Variants in AK8 observed in about 807,000 individuals in gnomAD.
AK8 encodes ATP-AMP transphosphorylase 8.
Under a neutral mutation model 54.6 loss-of-function variants are expected in AK8, and 44 were observed. The ratio of observed to expected loss-of-function variants is 0.81; its 90% CI spans 0.63 to 1.04. The LOEUF (loss-of-function observed/expected upper bound fraction) is 1.04, where lower values mean the gene tolerates loss of function less well. AK8 is among the 50% of genes least tolerant of loss of function. AK8 has a pLI of 0.00. For missense variants in AK8, 555 were observed against 613.6 expected (o/e 0.90, Z 1.01); for synonymous variants, 239 against 245.6 (o/e 0.97, Z 0.25).
intron 11 of AK8, among the ~76,000 whole-genome samples, chr9:132,755,563 C>G (rs1318746725): frequency 6.6e-6 from 1 of 152,224 alleles, no homozygotes; most frequent in Non-Finnish European, 1.5e-5. Flanking sequence ...ACCGTGTGCA[C>G]ATAGCCCCTC....
At chr9:132,843,356 G>A (rs575111454) in intron 5 of AK8, among the ~76,000 whole-genome samples, 14 of 152,236 alleles carry the variant, frequency 9.2e-5, no homozygotes, top group East Asian at 1.9e-4. Flanking sequence ...ACCTTCTGCC[G>A]TGATGGTAAA....
rs1841948677 is a variant in AK8 at position 132,828,068 on chromosome 9, T to A, written c.501A>T (p.Pro167=). 1 of 1,573,242 alleles carries A rather than the reference T, an allele frequency of 6.4e-7. No homozygotes were observed. Among genetic ancestry groups the A allele is most frequent in the Non-Finnish European group, 8.6e-7 (1 of 1,158,046 alleles). ...AGTTTCTCTCGATCAGGACCGTGTC[T>A]GGAGCACTCAGCACAACTGGGCAGA... ...TPRHVIVLSA[P]DTVLIERNLG... Residue 167 remains proline, a synonymous_variant, in exon 7 of 13, where the codon CCA becomes CCT. Coordinates refer to ENST00000298545, the MANE Select transcript of AK8 (RefSeq NM_152572.3).
chr9:132,812,531 G>A (rs76382211), intron 10 of AK8, among the ~76,000 whole-genome samples: 155 of 58,774 alleles, frequency 2.6e-3, no homozygotes, highest in Non-Finnish European at 3.2e-3. Flanking sequence ...GAGCTACCGT[G>A]CCCACTGGGA....
At chr9:132,766,791 C>A (rs1343051034) in intron 11 of AK8, among the ~76,000 whole-genome samples, 1 of 152,114 alleles carries the variant, frequency 6.6e-6, no homozygotes, top group Non-Finnish European at 1.5e-5. Flanking sequence ...ACACATAGAC[C>A]AGTGGAACAG....
intron 11 of AK8, among the ~76,000 whole-genome samples, chr9:132,787,393 A>G (rs1292967281): frequency 6.6e-6 from 1 of 152,160 alleles, no homozygotes; most frequent in Non-Finnish European, 1.5e-5. Flanking sequence ...AGAAAGAAAA[A>G]AGTCACGTAT....
At chr9:132,793,113 T>C (rs1840018014) in intron 10 of AK8, among the ~76,000 whole-genome samples, 1 of 152,144 alleles carries the variant, frequency 6.6e-6, no homozygotes, top group African/African-American at 2.4e-5. Context: ...TCCCGTAAAC[T>C]GGGTGTCTGG....
At position 132,781,622 on chromosome 9, in the gene AK8, C is replaced by G. The variant is rs1315943413; in HGVS notation, c.1121+11012G>C. Among the ~76,000 whole-genome samples the G allele has an allele frequency of 6.6e-6, 1 of 151,934 alleles. No homozygotes were observed. Among genetic ancestry groups the G allele is most frequent in the African/African-American group, 2.4e-5 (1 of 41,350 alleles). ...CATTGAACCTTCCTTAAAAAAAGAG[C>G]CTTTGTAGATTTTCATATCTGAATT... is the stretch of plus-strand genomic sequence containing the variant. On this transcript the variant is annotated intron_variant, in intron 11 of 12. Coordinates refer to ENST00000298545, the MANE Select transcript of AK8 (RefSeq NM_152572.3). The surrounding 1 kb of genome is among the most constrained non-coding windows in gnomAD (Gnocchi z 4.6).
intron 4 of AK8, 85 bp downstream of exon 4, chr9:132,863,580 A>G (rs1197240528): frequency 9.8e-6 from 9 of 918,370 alleles, no homozygotes; most frequent in Non-Finnish European, 1.5e-5. Flanking sequence ...AAATGGGAAC[A>G]AACCAAGCAA....
intron 9 of AK8, among the ~76,000 whole-genome samples, chr9:132,820,074 G>A (rs1473666499): frequency 6.8e-6 from 1 of 146,946 alleles, no homozygotes; most frequent in Non-Finnish European, 1.5e-5. Context: ...AGGATCACTT[G>A]AGGAGTTGGA....
At chr9:132,751,973 G>T (rs1837948011) in intron 11 of AK8, among the ~76,000 whole-genome samples, 1 of 151,400 alleles carries the variant, frequency 6.6e-6, no homozygotes, top group Non-Finnish European at 1.5e-5. Flanking sequence ...TGAGTAGCTG[G>T]GACTATAGGC....
At chr9:132,862,958 C>T (rs1843447964) in intron 4 of AK8, among the ~76,000 whole-genome samples, 1 of 152,198 alleles carries the variant, frequency 6.6e-6, no homozygotes, top group Non-Finnish European at 1.5e-5. Flanking sequence ...CAGGCACGTG[C>T]CACCATGCCC....
chr9:132,841,971 A>G (rs563302256), intron 5 of AK8, among the ~76,000 whole-genome samples: 112 of 152,270 alleles, frequency 7.4e-4, no homozygotes, highest in African/African-American at 2.5e-3. Flanking sequence ...CTTAGGGTGC[A>G]GTGCTTGAAC....
intron 11 of AK8, among the ~76,000 whole-genome samples, chr9:132,784,186 CAG>C (rs1389504758): frequency 6.6e-6 from 1 of 152,088 alleles, no homozygotes; most frequent in Non-Finnish European, 1.5e-5. Context: ...CAGACAGAGG[CAG>C]AGAGACAGAG....
At chr9:132,769,821 C>T (rs1838879382) in intron 11 of AK8, 1 of 152,156 alleles carries the variant, frequency 6.6e-6, no homozygotes, top group Admixed American at 6.5e-5. Flanking sequence ...GAAAGAGAAT[C>T]CTGCCATCAC....
chr9:132,814,805 C>T, intron 9 of AK8, 78 bp from the exon 10 acceptor site: 2 of 1,281,778 alleles, frequency 1.6e-6, no homozygotes, highest in Non-Finnish European at 2.2e-6. Context: ...ACCCCCAGTG[C>T]TGCCTGCTGA....
At chr9:132,827,962 C>T (rs763273973) in intron 7 of AK8, 51 bp downstream of exon 7, 3 of 1,530,968 alleles carry the variant, frequency 2.0e-6, no homozygotes, top group Non-Finnish European at 2.7e-6. Flanking sequence ...GCTGTCATCA[C>T]CATGGACTCT....
chr9:132,771,548 A>T (rs981017251), intron 11 of AK8, among the ~76,000 whole-genome samples: 2 of 152,334 alleles, frequency 1.3e-5, no homozygotes, highest in South Asian at 4.1e-4. Flanking sequence ...CCTCTTGTAA[A>T]GAAACAAACC....
chr9:132,811,640 T>C (rs1268410944), intron 10 of AK8, among the ~76,000 whole-genome samples: 1 of 152,216 alleles, frequency 6.6e-6, no homozygotes, highest in African/African-American at 2.4e-5. Flanking sequence ...ACAAATACAC[T>C]GGCAGTACCC....
rs1838919774 is a variant in AK8 at position 132,770,518 on chromosome 9, TCGCCCTGCACGCG to T, written c.1121+22103_1121+22115del. Among the ~76,000 whole-genome samples, 1 of 152,072 alleles carries T rather than the reference TCGCCCTGCACGCG, an allele frequency of 6.6e-6. No homozygotes were observed. Among genetic ancestry groups the T allele is most frequent in the Non-Finnish European group, 1.5e-5 (1 of 67,996 alleles). On this transcript the variant is annotated intron_variant, in intron 11 of 12. Transcript: ENST00000298545. The surrounding 1 kb of genome is among the most constrained non-coding windows in gnomAD (Gnocchi z 4.3). ...GGGCTGGGAGCGCGGGGGATGCCCCTCGCCCTGCACGCGCGCCCTGCCCCTGGCTGTAACCTGA... is the reference window on the plus strand; with the variant it reads ...GGGCTGGGAGCGCGGGGGATGCCCCTCGCCCTGCCCCTGGCTGTAACCTGA...
Sources: allele counts gnomAD v4.1 joint callset (sites outside exome capture counted in the v4.1 genomes callset), GRCh38; gene constraint gnomAD v4.1.1; non-coding constraint Gnocchi (gnomAD v3.1); transcripts MANE v1.5; gene names NCBI Gene and HGNC (gene_info 2026-07-23, HGNC 2026-07-21).